The following SGMS1 variants were observed in gnomAD, a reference collection of about 807,000 sequenced individuals.
SGMS1 encodes the protein phosphatidylcholine:ceramide cholinephosphotransferase 1.
Under a neutral mutation model 46.2 loss-of-function variants are expected in SGMS1, and 13 were observed. The ratio of observed to expected loss-of-function variants is 0.28; its 90% confidence interval spans 0.18 to 0.45. The LOEUF is 0.45. Ranked by LOEUF, SGMS1 falls within the 20% of genes least tolerant of loss-of-function variation. The pLI, the probability that SGMS1 is intolerant of heterozygous loss-of-function variation, is 1.00. For missense variants in SGMS1, 324 were observed against 519.9 expected (o/e 0.62, Z 3.66); for synonymous variants, 203 against 187.8 (o/e 1.08, Z -0.66).
upstream of SGMS1, chr10:50,624,468 T>C (rs759094544): frequency 2.0e-4 from 102 of 515,412 alleles, no homozygotes; most frequent in Non-Finnish European, 2.4e-4. Context: ...CCTCTAACCA[T>C]AGACTCTCAT....
At chr10:50,341,161 C>T (rs1012172413) in intron 7 of SGMS1, 2 of 340,840 alleles carry the variant, frequency 5.9e-6, no homozygotes, top group Non-Finnish European at 1.2e-5. Context: ...TGCTATAATG[C>T]AATAACTAAA....
At chr10:50,319,871 T>A (rs368257297) in intron 8 of SGMS1, among the ~76,000 whole-genome samples, 5 of 152,338 alleles carry the variant, frequency 3.3e-5, no homozygotes, top group South Asian at 2.1e-4. Context: ...TGTTATTTTT[T>A]AAAATTATGT....
intron 8 of SGMS1, among the ~76,000 whole-genome samples, chr10:50,316,605 C>T (rs1221637573): frequency 6.6e-6 from 1 of 152,154 alleles, no homozygotes; most frequent in African/African-American, 2.4e-5. Context: ...GACATTTTCT[C>T]AAAGTCCCTC....
chr10:50,477,762 T>C (rs1444250231), intron 3 of SGMS1, among the ~76,000 whole-genome samples: 1 of 152,134 alleles, frequency 6.6e-6, no homozygotes, highest in Non-Finnish European at 1.5e-5. Flanking sequence ...AAAACATGTG[T>C]AGTACCTCCT....
chr10:50,553,119 C>A (rs1392514963), intron 2 of SGMS1, among the ~76,000 whole-genome samples: 3 of 152,146 alleles, frequency 2.0e-5, no homozygotes, highest in African/African-American at 7.2e-5. Flanking sequence ...GTGATCTATG[C>A]CGACACTAAA....
chr10:50,434,780 G>A (rs1849453473), intron 5 of SGMS1, among the ~76,000 whole-genome samples: 2 of 150,550 alleles, frequency 1.3e-5, no homozygotes, highest in African/African-American at 4.9e-5. Context: ...AGCTACTCAG[G>A]AGGCTGAGGC....
intron 6 of SGMS1, among the ~76,000 whole-genome samples, chr10:50,410,958 T>C (rs190841235): frequency 1.2e-4 from 18 of 152,378 alleles, no homozygotes; most frequent in Admixed American, 1.2e-3. Flanking sequence ...TGGTCTCTTG[T>C]TGTATGTTTG....
chr10:50,596,025 A>G (rs1838588737), intron 1 of SGMS1, among the ~76,000 whole-genome samples: 1 of 152,238 alleles, frequency 6.6e-6, no homozygotes, highest in Non-Finnish European at 1.5e-5. Context: ...ATGCTTGGCA[A>G]TGGCAAGATT....
chr10:50,381,614 TACA>T (rs1476539976), intron 6 of SGMS1, among the ~76,000 whole-genome samples: 15 of 152,234 alleles, frequency 9.9e-5, no homozygotes, highest in Non-Finnish European at 2.2e-4. Flanking sequence ...ATGATGATTC[TACA>T]ACAATATGAA....
chr10:50,582,290 T>C (rs957025485), intron 2 of SGMS1, among the ~76,000 whole-genome samples: 3 of 152,182 alleles, frequency 2.0e-5, no homozygotes, highest in African/African-American at 4.8e-5. Context: ...GTCTGGGCCA[T>C]ACCAACATCT....
intron 3 of SGMS1, among the ~76,000 whole-genome samples, chr10:50,509,728 C>A (rs1372618766): frequency 1.3e-5 from 2 of 152,154 alleles, no homozygotes; most frequent in East Asian, 1.9e-4. Flanking sequence ...CAATTAGAAG[C>A]CAGAGTACTG....
chr10:50,559,533 C>T (rs185278967), intron 2 of SGMS1, among the ~76,000 whole-genome samples: 3 of 152,270 alleles, frequency 2.0e-5, no homozygotes, highest in East Asian at 1.9e-4. Context: ...AGAATTAAAC[C>T]CATTATTGAT....
chr10:50,545,895 A>G (rs1838096987), intron 2 of SGMS1, among the ~76,000 whole-genome samples: 1 of 152,218 alleles, frequency 6.6e-6, no homozygotes, highest in South Asian at 2.1e-4. Context: ...ATAGGTCATA[A>G]TAAATGATTA....
chr10:50,492,393 A>G (rs1220778870), intron 3 of SGMS1, among the ~76,000 whole-genome samples: 2 of 152,250 alleles, frequency 1.3e-5, no homozygotes, highest in African/African-American at 2.4e-5. Context: ...ACATGATCCT[A>G]TATCTAGAAA....
chr10:50,385,385 C>A (rs942776269), intron 6 of SGMS1, among the ~76,000 whole-genome samples: 2 of 152,198 alleles, frequency 1.3e-5, no homozygotes, highest in African/African-American at 2.4e-5. Flanking sequence ...CCAGTTCTCA[C>A]TCTCCCAGTT....
intron 6 of SGMS1, among the ~76,000 whole-genome samples, chr10:50,357,712 A>C (rs1184047760): frequency 6.6e-6 from 1 of 152,342 alleles, no homozygotes; most frequent in East Asian, 1.9e-4. Context: ...AGAAATTATT[A>C]TACTGAATAT....
intron 7 of SGMS1, 181 bp downstream of exon 7, chr10:50,343,311 A>G (rs1476602260): frequency 1.6e-6 from 1 of 616,014 alleles, no homozygotes; most frequent in Non-Finnish European, 2.6e-6. Context: ...GGCAACAAAC[A>G]ACATTTTCTT....
At chr10:50,404,364 TGA>T (rs1369255189) in intron 6 of SGMS1, among the ~76,000 whole-genome samples, 5 of 151,918 alleles carry the variant, frequency 3.3e-5, no homozygotes. Context: ...CCCAGTGCTT[TGA>T]GAGTCTGATG....
At chr10:50,353,020 C>G (rs530438151) in intron 6 of SGMS1, among the ~76,000 whole-genome samples, 2,575 of 152,272 alleles carry the variant, frequency 0.017, 73 homozygotes, top group African/African-American at 0.058. Context: ...CAAGGAGGAG[C>G]TGGTACCATT....
Sources: allele counts gnomAD v4.1 joint callset (sites outside exome capture counted in the v4.1 genomes callset), GRCh38; gene constraint gnomAD v4.1.1; transcripts MANE v1.5; gene names NCBI Gene and HGNC (gene_info 2026-07-23, HGNC 2026-07-21).